Variants in NEBL observed in about 807,000 individuals in gnomAD.
NEBL encodes LIM and SH3 protein 2.
NEBL carries 122 observed loss-of-function variants against 140.2 expected under a neutral mutation model. That is an observed-to-expected ratio of 0.87 (90% CI 0.75 to 1.01). NEBL has a LOEUF of 1.01. Ranked by LOEUF, NEBL falls within the 50% of genes least tolerant of loss-of-function variation. The pLI is 0.00. For missense variants in NEBL, 1,365 were observed against 1,231.3 expected, an observed-to-expected ratio of 1.11 and a Z score of -1.62; for synonymous variants, 436 against 398.9, an observed-to-expected ratio of 1.09 and a Z score of -1.11.
At chr10:21,109,078 G>A (rs1283490424) in intron 2 of NEBL, among the ~76,000 whole-genome samples, 57 of 152,084 alleles carry the variant, frequency 3.7e-4, no homozygotes, top group Non-Finnish European at 1.2e-4. Context: ...TCTTGTGCCG[G>A]TTTTCAAAGG....
chr10:21,047,697 T>C lies in NEBL; in HGVS notation c.165-27496A>G, dbSNP rs528108852. Among the ~76,000 whole-genome samples the C allele has an allele frequency of 1.7e-3, 254 of 152,248 alleles. 1 individual carries two copies. The highest frequency in any genetic ancestry group is 2.9e-3 in the South Asian group (14 of 4,816). On this transcript the variant is annotated intron_variant, in intron 2 of 6. Transcript: ENST00000417816. ...GTGCCTAAAATAACCTGAACAACTATTGTATGAATCAGAGGGGATGAGTCT... is the reference window on the plus strand; with the variant it reads ...GTGCCTAAAATAACCTGAACAACTACTGTATGAATCAGAGGGGATGAGTCT...
At chr10:21,110,666 C>T (rs1487556671) in intron 2 of NEBL, 1 of 443,630 alleles carries the variant, frequency 2.3e-6, no homozygotes, top group African/African-American at 2.0e-5. Flanking sequence ...CCTACCTAAG[C>T]ATATGCCACC....
intron 3 of NEBL, among the ~76,000 whole-genome samples, chr10:21,225,271 T>G (rs1842129008): frequency 6.6e-6 from 1 of 152,152 alleles, no homozygotes; most frequent in Non-Finnish European, 1.5e-5. Context: ...TCCATGGAGC[T>G]GGGGGAGAGG....
At chr10:21,088,259 G>T (rs532930783) in intron 2 of NEBL, among the ~76,000 whole-genome samples, 2 of 152,312 alleles carry the variant, frequency 1.3e-5, no homozygotes, top group Admixed American at 1.3e-4. Context: ...CCAACACTTT[G>T]GGAGGCTGAG....
At chr10:21,077,960 C>T (rs1033339163) in intron 2 of NEBL, among the ~76,000 whole-genome samples, 1 of 152,144 alleles carries the variant, frequency 6.6e-6, no homozygotes, top group Non-Finnish European at 1.5e-5. Flanking sequence ...ATATCAAGTC[C>T]GATGGATACT....
chr10:21,132,521 T>G (rs1453585058), intron 2 of NEBL, among the ~76,000 whole-genome samples: 1 of 152,218 alleles, frequency 6.6e-6, no homozygotes, highest in African/African-American at 2.4e-5. Flanking sequence ...AATTACTGGA[T>G]CATATGGTAA....
At chr10:21,090,215 C>T (rs186000466) in intron 2 of NEBL, among the ~76,000 whole-genome samples, 1 of 152,210 alleles carries the variant, frequency 6.6e-6, no homozygotes, top group Admixed American at 6.5e-5. Flanking sequence ...CCACTGCCTA[C>T]TAAAACTACA....
chr10:21,254,381 C>T (rs1184355572), intron 1 of NEBL, among the ~76,000 whole-genome samples: 1 of 152,144 alleles, frequency 6.6e-6, no homozygotes, highest in African/African-American at 2.4e-5. Context: ...CTCAGCCTCA[C>T]AAATTTCTGG....
chr10:20,788,561 G>T (rs1259008670), intron 26 of NEBL, among the ~76,000 whole-genome samples: 2 of 151,950 alleles, frequency 1.3e-5, no homozygotes, highest in Non-Finnish European at 2.9e-5. Flanking sequence ...ATTGAAAGGG[G>T]ATTTTTTAAA....
chr10:20,868,785 C>T lies in NEBL; in HGVS notation c.583-20G>A, dbSNP rs894665666. ...TTCTGCCTAAAATGAATAAATAAGA[C>T]AATGTTAAATATTTCTACCCTCCAA... On this transcript the variant is annotated intron_variant, in intron 6 of 27. Transcript: ENST00000377122. 3.3e-6 allele frequency: 5 copies of T among 1,495,420 alleles called. No homozygotes were observed. The African/African-American group carries it at 7.0e-5, about 21-fold the overall frequency. The allele number at this position is 1,495,420 out of a possible 1,614,324, so 92.6% of individuals were successfully genotyped here.
intron 3 of NEBL, among the ~76,000 whole-genome samples, chr10:21,199,801 T>A (rs1205225078): frequency 6.6e-6 from 1 of 152,212 alleles, no homozygotes; most frequent in Non-Finnish European, 1.5e-5. Context: ...ACCCAGTGTG[T>A]GCCAGGAATT....
At position 20,815,680 on chromosome 10, in the gene NEBL, A is replaced by C. The variant is rs374923937; in HGVS notation, c.2186T>G (p.Leu729Ter). 27 of 1,612,604 alleles carry C rather than the reference A, an allele frequency of 1.7e-5. No homozygotes were observed. Among genetic ancestry groups the C allele is most frequent in the Middle Eastern group, 1.7e-4 (1 of 6,058 alleles). The change falls in exon 22 of 28, where the codon TTA becomes TGA. Residue 729 changes from leucine to a stop codon, truncating the protein, a stop_gained. Coordinates refer to ENST00000377122, the MANE Select transcript of NEBL (RefSeq NM_006393.3). LOFTEE classifies it high-confidence loss of function. ...YRGQLGRATT[L>*]SVTPEMERVK... ...TCTTTCCATTTCAGGAGTTACACTT[A>C]AAGTGGTAGCTCTTCCCAGCTGACC...
At chr10:21,278,290 A>T (rs1383959629) in intron 1 of NEBL, among the ~76,000 whole-genome samples, 1 of 152,174 alleles carries the variant, frequency 6.6e-6, no homozygotes, top group Non-Finnish European at 1.5e-5. Flanking sequence ...ATAAAAATAA[A>T]AACATGAGCT....
chr10:20,852,013 TA>T (rs1196151267), intron 10 of NEBL, among the ~76,000 whole-genome samples: 3 of 150,002 alleles, frequency 2.0e-5, no homozygotes, highest in African/African-American at 7.3e-5. Flanking sequence ...AGCTCAGAAT[TA>T]AAAAAAAATA....
intron 2 of NEBL, among the ~76,000 whole-genome samples, chr10:21,166,016 C>T (rs1840745279): frequency 6.6e-6 from 1 of 151,772 alleles, no homozygotes; most frequent in South Asian, 2.1e-4. Context: ...GTCAGGAGAT[C>T]GAGAACATCC....
chr10:21,087,587 G>C (rs1836697350), intron 2 of NEBL, among the ~76,000 whole-genome samples: 1 of 152,164 alleles, frequency 6.6e-6, no homozygotes, highest in African/African-American at 2.4e-5. Context: ...AGAGGAATTT[G>C]ATAACTAAGC....
intron 7 of NEBL, among the ~76,000 whole-genome samples, chr10:20,860,574 A>AC (rs1327064717): frequency 2.7e-5 from 4 of 149,816 alleles, no homozygotes; most frequent in African/African-American, 9.7e-5. Context: ...AAAGAAAAAA[A>AC]AAAAAAAAAA....
At chr10:20,811,948 T>C (rs542431297) in intron 24 of NEBL, among the ~76,000 whole-genome samples, 54 of 152,292 alleles carry the variant, frequency 3.5e-4, no homozygotes, top group African/African-American at 1.2e-3. Flanking sequence ...TCAGCCACCA[T>C]TCAACAAATA....
At chr10:21,113,914 T>C (rs1838162110) in intron 2 of NEBL, among the ~76,000 whole-genome samples, 1 of 152,068 alleles carries the variant, frequency 6.6e-6, no homozygotes, top group East Asian at 1.9e-4. Flanking sequence ...ACATTGATTC[T>C]GCTCCTATAG....
Sources: gnomAD v4.1 joint callset for allele counts (sites outside exome capture counted in the v4.1 genomes callset) on GRCh38, gnomAD v4.1.1 for gene constraint, MANE v1.5 for transcripts, NCBI Gene and HGNC (gene_info 2026-07-23, HGNC 2026-07-21) for gene names.